Variants in CADPS observed in about 807,000 individuals in gnomAD.
The protein encoded by CADPS is calcium dependent secretion activator, also known as calcium-dependent secretion activator 1.
Under a neutral mutation model 167.3 loss-of-function variants are expected in CADPS, and 57 were observed. The observed-to-expected ratio is 0.34, with a 90% CI of 0.28 to 0.42. CADPS has a LOEUF of 0.42. Ranked by LOEUF, CADPS falls within the 20% of genes least tolerant of loss-of-function variation. The probability of loss-of-function intolerance (pLI) is 1.00; values close to 1 mark genes in which losing one functional copy is unlikely to be tolerated. For missense variants in CADPS, 1,414 were observed against 1,738.1 expected (o/e 0.81, Z 3.32); for synonymous variants, 676 against 635.3 (o/e 1.06, Z -0.96).
intron 7 of CADPS, among the ~76,000 whole-genome samples, chr3:62,588,455 C>T (rs1183236931): frequency 1.3e-5 from 2 of 152,030 alleles, no homozygotes; most frequent in Non-Finnish European, 2.9e-5. Flanking sequence ...CACAGAGGGC[C>T]TACAATCCTA....
intron 6 of CADPS, among the ~76,000 whole-genome samples, chr3:62,634,133 C>T (rs1466814383): frequency 6.6e-6 from 1 of 152,156 alleles, no homozygotes; most frequent in East Asian, 1.9e-4. Context: ...TAAGCCTTAT[C>T]TTATTTCATT....
intron 3 of CADPS, among the ~76,000 whole-genome samples, chr3:62,671,378 A>C (rs575952253): frequency 6.6e-6 from 1 of 152,248 alleles, no homozygotes; most frequent in African/African-American, 2.4e-5. Context: ...AACTGAAGCC[A>C]TTCAAAGAAG....
Position 62,486,834 on chromosome 3 carries a change from C to T in CADPS, c.3026+4505G>A, listed in dbSNP as rs542975358. Among the ~76,000 whole-genome samples, 2 of 152,362 alleles carry T rather than the reference C, an allele frequency of 1.3e-5. 1 individual carries two copies. Among genetic ancestry groups the T allele is most frequent in the South Asian group, 4.1e-4 (2 of 4,826 alleles). ...CAGGCAGTGTGCTTGGAGTAGCAAG[C>T]AGCTCAGGGCAGTTTTGCAGTCATA... On this transcript the variant is annotated intron_variant, in intron 21 of 29. Transcript: ENST00000383710.
Position 62,850,915 on chromosome 3 carries a change from C to G in CADPS, c.441+23674G>C, listed in dbSNP as rs531704636. ...TATTAATGTGTGGGAGTCTAAGTCTCTTTGGAGGTCACTCAGGACTTGCTT... is the reference window on the plus strand; with the variant it reads ...TATTAATGTGTGGGAGTCTAAGTCTGTTTGGAGGTCACTCAGGACTTGCTT... On this transcript the variant is annotated intron_variant, in intron 1 of 29. Transcript: ENST00000383710. Among the ~76,000 whole-genome samples, 624 of 151,840 alleles carry G rather than the reference C, an allele frequency of 4.1e-3. 2 individuals carry two copies. Among genetic ancestry groups the G allele is most frequent in the Non-Finnish European group, 6.5e-3 (440 of 67,996 alleles).
At chr3:62,747,060 T>C (rs9814276) in intron 3 of CADPS, among the ~76,000 whole-genome samples, 32,616 of 152,154 alleles carry the variant, frequency 0.21, 3,663 homozygotes, top group Middle Eastern at 0.3. Flanking sequence ...TCATGGGCCA[T>C]TGTATGACAA....
chr3:62,536,405 T>G (rs757498254), intron 12 of CADPS, 40 bp downstream of exon 12: 1 of 1,555,916 alleles, frequency 6.4e-7, no homozygotes, highest in Non-Finnish European at 8.8e-7. Context: ...TGAAAAAAAA[T>G]GTTATGTTTA....
chr3:62,762,796 G>A (rs2085828636), intron 2 of CADPS, among the ~76,000 whole-genome samples: 1 of 152,118 alleles, frequency 6.6e-6, no homozygotes, highest in African/African-American at 2.4e-5. Context: ...TGCGGATACT[G>A]AGTAATGAAT....
intron 3 of CADPS, among the ~76,000 whole-genome samples, chr3:62,724,594 C>T (rs191863612): frequency 7.2e-5 from 11 of 152,224 alleles, no homozygotes; most frequent in Admixed American, 4.6e-4. Flanking sequence ...CAAGAAAGTA[C>T]AACTGGGACT....
At position 62,780,524 on chromosome 3, in the gene CADPS, C is replaced by T. The variant is rs543360595; in HGVS notation, c.442-14540G>A. On this transcript the variant is annotated intron_variant, in intron 1 of 29. Coordinates refer to ENST00000383710, the MANE Select transcript of CADPS (RefSeq NM_003716.4). ...TAACAAGCTTGGAGAATGAGGTCCT[C>T]TCATTCTCCAGAAAAACTCTTAAGT... Among the ~76,000 whole-genome samples, 12 of 152,250 alleles carry T rather than the reference C, an allele frequency of 7.9e-5. No individual in the cohort carries two copies. In the South Asian group the frequency reaches 2.3e-3, roughly 29 times the overall value.
intron 1 of CADPS, among the ~76,000 whole-genome samples, chr3:62,786,652 C>A (rs931494355): frequency 2.5e-4 from 38 of 151,006 alleles, no homozygotes; most frequent in African/African-American, 9.4e-4. Flanking sequence ...CCCTACCAAA[C>A]ACACACACAT....
At chr3:62,483,324 AGGGGAGTG>A (rs1193462484) in intron 21 of CADPS, among the ~76,000 whole-genome samples, 4 of 36,774 alleles carry the variant, frequency 1.1e-4, no homozygotes, top group South Asian at 1.0e-3. Flanking sequence ...GTAGGGGAGT[AGGGGAGTG>A]GGGGAGTGGG....
At chr3:62,659,141 T>A (rs2072512253) in intron 4 of CADPS, among the ~76,000 whole-genome samples, 1 of 152,198 alleles carries the variant, frequency 6.6e-6, no homozygotes, top group Non-Finnish European at 1.5e-5. Flanking sequence ...GACATCTATA[T>A]CCAGGAATTT....
chr3:62,608,256 A>G (rs2060973811), intron 6 of CADPS, among the ~76,000 whole-genome samples: 1 of 152,006 alleles, frequency 6.6e-6, no homozygotes, highest in Non-Finnish European at 1.5e-5. Context: ...AAAATACCAA[A>G]AAACTGTATG....
intron 4 of CADPS, among the ~76,000 whole-genome samples, chr3:62,659,886 CT>C (rs2072740126): frequency 6.6e-6 from 1 of 152,196 alleles, no homozygotes; most frequent in Admixed American, 6.5e-5. Context: ...GGCACTCTAT[CT>C]CATAGAAACC....
At position 62,455,215 on chromosome 3, in the gene CADPS, C is replaced by T. The variant is rs2058553006; in HGVS notation, c.3637-9418G>A. 6.7e-6 allele frequency among the ~76,000 whole-genome samples: 1 copy of T among 148,414 alleles called. No homozygotes were observed. Among genetic ancestry groups the T allele is most frequent in the Admixed American group, 7.0e-5 (1 of 14,268 alleles). On this transcript the variant is annotated intron_variant, in intron 26 of 29. Transcript: ENST00000383710. The surrounding 1 kb of genome is among the most constrained non-coding windows in gnomAD (Gnocchi z 4.4). ...CAGTTTTCCTTTTCCTCATTTCTGT[C>T]CCAATCCCTCATTCCCAGAGAGGAT...
At chr3:62,443,687 C>T (rs945794323) in intron 27 of CADPS, among the ~76,000 whole-genome samples, 3 of 152,074 alleles carry the variant, frequency 2.0e-5, no homozygotes, top group Admixed American at 6.5e-5. Flanking sequence ...TGAAGAAGGA[C>T]GTGTTTGCTT....
chr3:62,767,918 A>T (rs1195571600), intron 1 of CADPS, among the ~76,000 whole-genome samples: 3 of 152,224 alleles, frequency 2.0e-5, no homozygotes, highest in Admixed American at 6.5e-5. Context: ...CGTTTAAAAA[A>T]TGCTATGCCT....
At chr3:62,740,366 T>C (rs949856035) in intron 3 of CADPS, among the ~76,000 whole-genome samples, 1 of 152,178 alleles carries the variant, frequency 6.6e-6, no homozygotes, top group African/African-American at 2.4e-5. Flanking sequence ...GGTACCAAAG[T>C]TAAGGGGTTG....
chr3:62,793,579 A>T (rs554293642), intron 1 of CADPS, among the ~76,000 whole-genome samples: 5 of 152,214 alleles, frequency 3.3e-5, no homozygotes, highest in African/African-American at 1.2e-4. Context: ...CTTTCCTCTG[A>T]CTCATCCTGA....
Sources: allele counts gnomAD v4.1 joint callset (sites outside exome capture counted in the v4.1 genomes callset), GRCh38; gene constraint gnomAD v4.1.1; non-coding constraint Gnocchi (gnomAD v3.1); transcripts MANE v1.5; gene names NCBI Gene and HGNC (gene_info 2026-07-23, HGNC 2026-07-21).